The following ZNF273 variants were observed in gnomAD, a reference collection of about 807,000 sequenced individuals.
The protein encoded by ZNF273 is zinc finger protein 273, also known as zinc finger protein 9.
Under a neutral mutation model 14.9 loss-of-function variants are expected in ZNF273, and 11 were observed. That is an observed-to-expected ratio of 0.74 (90% CI 0.46 to 1.22). The LOEUF (loss-of-function observed/expected upper bound fraction) is 1.22. Ranked by LOEUF, ZNF273 falls within the 50% of genes most tolerant of loss-of-function variation. ZNF273 has a pLI of 0.00. For synonymous variants in ZNF273, 199 were observed against 223.9 expected (o/e 0.89, Z 0.99); for missense variants, 577 against 660.6 (o/e 0.87, Z 1.39).
At chr7:64,912,866 TCATCCAGGCTGGAGTGCAGTGG>T (rs1481330102) in intron 1 of ZNF273, among the ~76,000 whole-genome samples, 3 of 128,516 alleles carry the variant, frequency 2.3e-5, no homozygotes, top group Non-Finnish European at 3.3e-5. Context: ...TTTCGCTCTG[TCATCCAGGCTGGAGTGCAGTGG>T]TGCGATCTTG....
downstream of ZNF273, among the ~76,000 whole-genome samples, chr7:64,884,692 A>G (rs528136302): frequency 3.3e-5 from 5 of 152,226 alleles, no homozygotes; most frequent in African/African-American, 9.6e-5. Context: ...AGATCCCTCA[A>G]CAACTCACCA....
Position 64,903,443 on chromosome 7 carries a change from C to A in ZNF273, c.102+24C>A, listed in dbSNP as rs1792872489. The A allele has an allele frequency of 1.9e-6, 3 of 1,596,084 alleles. No individual in the cohort carries two copies. In the East Asian group the frequency reaches 6.7e-5, roughly 36 times the overall value. On this transcript the variant is annotated intron_variant, in intron 1 of 3. Coordinates refer to ENST00000476120, the MANE Select transcript of ZNF273 (RefSeq NM_021148.3). ...TGGTGAGAGTGCCGGGTCCCAGATC[C>A]CGAGAGAGGGGGAGGGCCTGGTTGG...
intron 3 of ZNF273, among the ~76,000 whole-genome samples, chr7:64,918,683 A>AT: frequency 7.7e-6 from 1 of 129,912 alleles, no homozygotes; most frequent in Non-Finnish European, 1.7e-5. Context: ...AAAAAAAAAA[A>AT]AAAAATGTGA....
At chr7:64,935,488 G>A (rs543066021), downstream of ZNF273, among the ~76,000 whole-genome samples, 1 of 152,178 alleles carries the variant, frequency 6.6e-6, no homozygotes, top group Non-Finnish European at 1.5e-5. Context: ...TATCATGTAT[G>A]TTGAATTTTG....
chr7:64,906,682 T>C (rs973324390), intron 1 of ZNF273, among the ~76,000 whole-genome samples: 3 of 123,508 alleles, frequency 2.4e-5, no homozygotes, highest in African/African-American at 9.1e-5. Flanking sequence ...GAAGCCTTTA[T>C]ACTGAGAGAA....
downstream of ZNF273, among the ~76,000 whole-genome samples, chr7:64,882,989 G>T (rs1053709344): frequency 3.9e-5 from 6 of 152,244 alleles, no homozygotes; most frequent in Non-Finnish European, 7.3e-5. Flanking sequence ...GCGCGTGTGT[G>T]TGTTTCTGTG....
chr7:64,888,381 G>A, intron 1 of ZNF273: 1 of 985,554 alleles, frequency 1.0e-6, no homozygotes, highest in Non-Finnish European at 1.2e-6. Flanking sequence ...AAGATGAGAG[G>A]GAGAGAGAGC....
In ZNF273 at chr7:64,928,179, A is replaced by G. The variant is rs771372551; in HGVS notation, c.851A>G (p.His284Arg). 8.1e-6 allele frequency: 13 copies of G among 1,613,232 alleles called. No individual in the cohort carries two copies. Among genetic ancestry groups the G allele is most frequent in the East Asian group, 6.7e-5 (3 of 44,814 alleles). Residue 284 changes from histidine (H) to arginine (R), a missense_variant, in exon 4 of 4, where the codon CAT (histidine) becomes CGT (arginine). Physicochemically the swap from His to Arg is conservative, Grantham distance 29. Around this residue, in one of 3 missense-constraint regions of ZNF273, gnomAD observed 411 missense variants for 440.4 expected, o/e 0.93. Coordinates refer to ENST00000476120, the MANE Select transcript of ZNF273 (RefSeq NM_021148.3). Reference protein sequence around the residue: ...SLTLTKHKKIHTEEKPYKCED... With the variant: ...SLTLTKHKKIRTEEKPYKCED... Reference sequence around the variant, plus strand: ...ACTCTTACTAAACATAAAAAAATTCATACTGAAGAGAAACCTTACAAATGT... The same window carrying G: ...ACTCTTACTAAACATAAAAAAATTCGTACTGAAGAGAAACCTTACAAATGT...
chr7:64,891,457 G>A (rs1397631220), downstream of ZNF273, among the ~76,000 whole-genome samples: 1 of 152,202 alleles, frequency 6.6e-6, no homozygotes, highest in African/African-American at 2.4e-5. Context: ...GGGTATGATT[G>A]GAATCCAGGC....
At chr7:64,913,596 A>G (rs1249360848) in intron 1 of ZNF273, among the ~76,000 whole-genome samples, 3 of 152,238 alleles carry the variant, frequency 2.0e-5, no homozygotes, top group Non-Finnish European at 4.4e-5. Flanking sequence ...CGAAGAAGAT[A>G]CTTTAGGGTG....
At chr7:64,883,600 G>A (rs573653174), downstream of ZNF273, among the ~76,000 whole-genome samples, 1 of 152,304 alleles carries the variant, frequency 6.6e-6, no homozygotes, top group Admixed American at 6.5e-5. Flanking sequence ...CGCACAAGCC[G>A]TCCACACCAT....
chr7:64,883,214 A>AACCCCCC (rs1554378895), downstream of ZNF273, among the ~76,000 whole-genome samples: 1 of 121,636 alleles, frequency 8.2e-6, no homozygotes, highest in Non-Finnish European at 1.7e-5. Context: ...CCAAATCACC[A>AACCCCCC]CCCCCCCCTC....
rs71061324 is a variant in ZNF273, at chr7:64,912,826, G to GTTTT, written c.103-4738_103-4735dup. Among the ~76,000 whole-genome samples the GTTTT allele has an allele frequency of 3.3e-4, 12 of 36,570 alleles. 1 individual carries two copies. The highest frequency in any genetic ancestry group is 7.4e-4 in the African/African-American group (9 of 12,216). 24.0% of individuals were successfully genotyped at this position (36,570 alleles called of 152,430 possible). A position where few individuals can be genotyped will look rare whatever the true frequency, so the allele number is the denominator to read the frequency against. On this transcript the variant is annotated intron_variant, in intron 1 of 3. Transcript: ENST00000476120. ...TCTTTTTGACTCAGGATTCATTTTA[G>GTTTT]TTTTTTTTTTTTTTTTTTTTGAGAT...
At chr7:64,889,577 G>T, downstream of ZNF273, 2 of 985,990 alleles carry the variant, frequency 2.0e-6, no homozygotes, top group Non-Finnish European at 1.2e-6. This position sits in a 1 kb window ranked among gnomAD's most constrained non-coding sequence, Gnocchi z 4.2. Flanking sequence ...GGGACAGTGA[G>T]ATGGGGCTGG....
chr7:64,934,628 A>C (rs1795046405), downstream of ZNF273, among the ~76,000 whole-genome samples: 1 of 152,082 alleles, frequency 6.6e-6, no homozygotes, highest in South Asian at 2.1e-4. Context: ...AAATACGTGG[A>C]TATATTCCTG....
At chr7:64,916,370 TAA>T (rs71061327) in intron 1 of ZNF273, among the ~76,000 whole-genome samples, 8 of 122,872 alleles carry the variant, frequency 6.5e-5, no homozygotes, top group Non-Finnish European at 8.3e-5. Flanking sequence ...ACTAAAAATG[TAA>T]AAAAAAAAAA....
intron 1 of ZNF273, among the ~76,000 whole-genome samples, chr7:64,904,418 G>A (rs1792948623): frequency 6.6e-6 from 1 of 152,036 alleles, no homozygotes; most frequent in African/African-American, 2.4e-5. Context: ...TTAAAAAATG[G>A]GGACCCTGGG....
At chr7:64,923,151 A>G (rs1047495970) in intron 3 of ZNF273, among the ~76,000 whole-genome samples, 2 of 151,266 alleles carry the variant, frequency 1.3e-5, no homozygotes, top group African/African-American at 2.4e-5. Context: ...TTCAAACACT[A>G]CTCTTTTTTT....
chr7:64,922,664 G>C (rs1794555024), intron 3 of ZNF273, among the ~76,000 whole-genome samples: 1 of 151,774 alleles, frequency 6.6e-6, no homozygotes, highest in African/African-American at 2.4e-5. Flanking sequence ...ACCCAGGCTG[G>C]TCTCAAACTC....
Sources: gnomAD v4.1 joint callset for allele counts (sites outside exome capture counted in the v4.1 genomes callset) on GRCh38, gnomAD v4.1.1 for gene constraint, gnomAD v4.1.1 regional missense constraint, Gnocchi (gnomAD v3.1) non-coding constraint, MANE v1.5 for transcripts, NCBI Gene and HGNC (gene_info 2026-07-23, HGNC 2026-07-21) for gene names.